LZTFL1: variants seen among roughly 807,000 people sequenced by gnomAD.
LZTFL1 encodes the protein leucine zipper transcription factor like 1, also known as leucine zipper transcription factor-like protein 1.
LZTFL1 carries 25 observed loss-of-function variants against 45.9 expected under a neutral mutation model. The observed-to-expected ratio is 0.54, with a 90% CI of 0.40 to 0.76. The LOEUF (loss-of-function observed/expected upper bound fraction) is 0.76, where lower values mean the gene tolerates loss of function less well. Among genes scored for constraint, LZTFL1 ranks in the 30% least tolerant of loss-of-function variants. The pLI, the probability that LZTFL1 is intolerant of heterozygous loss-of-function variation, is 0.00. For missense variants in LZTFL1, 277 were observed against 331.1 expected (o/e 0.84, Z 1.27); for synonymous variants, 93 against 117.4 (o/e 0.79, Z 1.35).
In LZTFL1 at chr3:45,890,317, T is replaced by A. The variant is rs1342711798; in HGVS notation, c.-215+22803A>T. 3.9e-3 allele frequency among the ~76,000 whole-genome samples: 239 copies of A among 61,312 alleles called. 45 individuals are homozygous for A. Among genetic ancestry groups the A allele is most frequent in the African/African-American group, 0.016 (178 of 10,820 alleles). The allele number at this position is 61,312 out of a possible 152,430, so 40.2% of individuals were successfully genotyped here. A position where few individuals can be genotyped will look rare whatever the true frequency, so the allele number is the denominator to read the frequency against. ...ATATATATATAACATATATATATATTTATATAAATATATATATAACATATA... is the reference window on the plus strand; with the variant it reads ...ATATATATATAACATATATATATATATATATAAATATATATATAACATATA... On this transcript the variant is annotated intron_variant, in intron 2 of 4. Coordinates refer to the LZTFL1 transcript ENST00000472635.
At chr3:45,889,888 A>G (rs1702096160) in intron 2 of LZTFL1, among the ~76,000 whole-genome samples, 1 of 151,776 alleles carries the variant, frequency 6.6e-6, no homozygotes, top group East Asian at 1.9e-4. Flanking sequence ...GCTCCAACAT[A>G]TATCCCTATA....
intron 2 of LZTFL1, chr3:45,897,444 C>T (rs985433680): frequency 1.2e-4 from 90 of 720,462 alleles, no homozygotes; most frequent in Admixed American, 3.9e-4. Context: ...ACACAATGTC[C>T]TTGTCTGGGA....
At chr3:45,828,954 A>T (rs1700741915) in intron 7 of LZTFL1, among the ~76,000 whole-genome samples, 1 of 152,246 alleles carries the variant, frequency 6.6e-6, no homozygotes, top group Non-Finnish European at 1.5e-5. Flanking sequence ...GAAAAGCCAA[A>T]TTTAAAAAAA....
At chr3:45,835,908 T>C (rs772605621) in intron 2 of LZTFL1, 124 bp from the exon 3 acceptor site, 6 of 599,336 alleles carry the variant, frequency 1.0e-5, no homozygotes, top group Non-Finnish European at 1.7e-5. Context: ...TGAAAATCTC[T>C]CTGGGAACTA....
chr3:45,868,469 T>C (rs1304145473), intron 2 of LZTFL1, among the ~76,000 whole-genome samples: 1 of 152,216 alleles, frequency 6.6e-6, no homozygotes, highest in Non-Finnish European at 1.5e-5. Flanking sequence ...TTTAGTGAGT[T>C]ACTCACATAC....
exon 4 of LZTFL1, chr3:45,855,048 C>A (rs1297816287): frequency 1.3e-6 from 2 of 1,533,848 alleles, no homozygotes; most frequent in Non-Finnish European, 1.7e-6. Context: ...GGGTAGGGTA[C>A]AACTTGATGG....
chr3:45,912,210 G>T (rs1401689884), intron 2 of LZTFL1, among the ~76,000 whole-genome samples: 2 of 152,178 alleles, frequency 1.3e-5, no homozygotes, highest in Non-Finnish European at 2.9e-5. Flanking sequence ...GTGTTTTTGC[G>T]TACTTGTATG....
intron 4 of LZTFL1, among the ~76,000 whole-genome samples, chr3:45,848,426 C>T (rs1487940040): frequency 6.6e-6 from 1 of 152,180 alleles, no homozygotes; most frequent in Admixed American, 6.5e-5. Flanking sequence ...TTGTATGGAT[C>T]CCATGATGTT....
At chr3:45,837,700 T>G (rs1575259452) in intron 2 of LZTFL1, among the ~76,000 whole-genome samples, 1 of 152,230 alleles carries the variant, frequency 6.6e-6, no homozygotes, top group Admixed American at 6.5e-5. Flanking sequence ...CATCCTACAA[T>G]TATCCTACAA....
chr3:45,867,624 C>T (rs923328214), intron 2 of LZTFL1, among the ~76,000 whole-genome samples: 2 of 151,980 alleles, frequency 1.3e-5, no homozygotes, highest in Admixed American at 1.3e-4. Context: ...TGAGAGGATT[C>T]CTTGAGCCCA....
At chr3:45,866,691 GA>G (rs1157303797) in intron 2 of LZTFL1, among the ~76,000 whole-genome samples, 3 of 152,210 alleles carry the variant, frequency 2.0e-5, no homozygotes, top group Admixed American at 2.0e-4. Flanking sequence ...ATTGATTTTA[GA>G]CTTGGGTTGT....
At position 45,915,471 on chromosome 3, in the gene LZTFL1, G is replaced by C. The variant is rs868364846; in HGVS notation, c.-323C>G. 5.3e-5 allele frequency: 24 copies of C among 455,904 alleles called. No homozygotes were observed. The Middle Eastern group carries it at 5.2e-3, about 98-fold the overall frequency. The allele number at this position is 455,904 out of a possible 1,614,324, so 28.2% of individuals were successfully genotyped here. A position where few individuals can be genotyped will look rare whatever the true frequency, so the allele number is the denominator to read the frequency against. On this transcript the variant is annotated 5_prime_UTR_variant, in exon 1 of 5. Coordinates refer to the LZTFL1 transcript ENST00000472635. ...CAGAAATGGCTTCCTTCTCTCCTCC[G>C]AGGCTCAGTCAGAGTCGGCCTTGGG...
intron 2 of LZTFL1, among the ~76,000 whole-genome samples, chr3:45,899,322 T>C (rs1413534567): frequency 6.6e-6 from 1 of 152,230 alleles, no homozygotes; most frequent in African/African-American, 2.4e-5. Context: ...TGGGAAATGC[T>C]AGACAGATCT....
intron 2 of LZTFL1, among the ~76,000 whole-genome samples, chr3:45,886,260 G>C (rs772172806): frequency 6.6e-6 from 1 of 152,168 alleles, no homozygotes; most frequent in African/African-American, 2.4e-5. Flanking sequence ...GACTTCTCTC[G>C]ATGGGATCCT....
intron 2 of LZTFL1, among the ~76,000 whole-genome samples, chr3:45,891,511 G>A (rs1322783101): frequency 6.6e-6 from 1 of 152,004 alleles, no homozygotes; most frequent in African/African-American, 2.4e-5. Context: ...ATATGCCAAA[G>A]ACACTGTTCT....
rs139453648 is a variant in LZTFL1 at position 45,877,747 on chromosome 3, T to A, written c.-214-18731A>T. Among the ~76,000 whole-genome samples, 18 of 151,468 alleles carry A rather than the reference T, an allele frequency of 1.2e-4. No homozygotes were observed. The East Asian group carries it at 2.7e-3, about 23-fold the overall frequency. ...TAATTTATTTCATTTATTAGTTTTT[T>A]TTTTTTTTTTTCCTGAGACAGAGTC... is the stretch of plus-strand genomic sequence containing the variant. On this transcript the variant is annotated intron_variant, in intron 2 of 4. Coordinates refer to the LZTFL1 transcript ENST00000472635.
At chr3:45,877,939 T>C (rs1575284152) in intron 2 of LZTFL1, among the ~76,000 whole-genome samples, 1 of 152,016 alleles carries the variant, frequency 6.6e-6, no homozygotes, top group Non-Finnish European at 1.5e-5. Flanking sequence ...AGAGACAGTG[T>C]TTCACCATGT....
intron 2 of LZTFL1, among the ~76,000 whole-genome samples, chr3:45,872,528 T>C (rs1157717472): frequency 6.6e-6 from 1 of 151,942 alleles, no homozygotes; most frequent in African/African-American, 2.4e-5. Flanking sequence ...AGGGGATGGG[T>C]TGGTGAGCAT....
intron 2 of LZTFL1, among the ~76,000 whole-genome samples, chr3:45,861,211 GA>G (rs5848773): frequency 0.61 from 77,744 of 127,436 alleles, 21,370 homozygotes; most frequent in East Asian, 0.71. Flanking sequence ...GAAGCAAAAC[GA>G]AAAAAAAAAA....
Sources: allele counts gnomAD v4.1 joint callset (sites outside exome capture counted in the v4.1 genomes callset), GRCh38; gene constraint gnomAD v4.1.1; transcripts MANE v1.5; gene names NCBI Gene and HGNC (gene_info 2026-07-23, HGNC 2026-07-21).